MAMDC2: variants seen among roughly 807,000 people sequenced by gnomAD.
MAMDC2 encodes MAM domain containing 2.
Under a neutral mutation model 89.8 loss-of-function variants are expected in MAMDC2, and 57 were observed. The observed-to-expected ratio is 0.63, with a 90% CI of 0.51 to 0.79. The LOEUF (loss-of-function observed/expected upper bound fraction) is 0.79. Among genes scored for constraint, MAMDC2 ranks in the 30% least tolerant of loss-of-function variants. MAMDC2 has a pLI of 0.00. For missense variants in MAMDC2, 800 were observed against 820.6 expected (o/e 0.97, Z 0.31); for synonymous variants, 313 against 293.4 (o/e 1.07, Z -0.68).
At chr9:70,115,806 G>C (rs1351903025) in intron 5 of MAMDC2, among the ~76,000 whole-genome samples, 1 of 152,166 alleles carries the variant, frequency 6.6e-6, no homozygotes, top group Non-Finnish European at 1.5e-5. Flanking sequence ...ATCTGCATGA[G>C]TATTTTAAAA....
chr9:70,131,750 G>T (rs1169525978), intron 7 of MAMDC2, 138 bp downstream of exon 7: 1 of 679,450 alleles, frequency 1.5e-6, no homozygotes, highest in Non-Finnish European at 2.5e-6. Flanking sequence ...TTAATCAAAG[G>T]TCATTTTTCT....
intron 5 of MAMDC2, among the ~76,000 whole-genome samples, chr9:70,118,476 G>A (rs1436928527): frequency 6.6e-6 from 1 of 152,170 alleles, no homozygotes; most frequent in Non-Finnish European, 1.5e-5. Flanking sequence ...GATTTGATCC[G>A]TATCATTCTT....
intron 9 of MAMDC2, among the ~76,000 whole-genome samples, chr9:70,158,434 C>A (rs999306528): frequency 2.0e-5 from 3 of 151,164 alleles, no homozygotes; most frequent in Admixed American, 6.6e-5. Context: ...TATATATACC[C>A]ATTTATATAT....
In MAMDC2 at chr9:70,111,436, C is replaced by T. The variant is rs529036286; in HGVS notation, c.506-1559C>T. The stretch of plus-strand genomic sequence containing the variant: ...ACTCTGACTTCTTTCTTTCTGGGTA[C>T]TTTATCTGCCTCTCTCCATTGCTCA... On this transcript the variant is annotated intron_variant, in intron 4 of 13. Coordinates refer to ENST00000377182, the MANE Select transcript of MAMDC2 (RefSeq NM_153267.5). Among the ~76,000 whole-genome samples, 10 of 152,274 alleles carry T rather than the reference C, an allele frequency of 6.6e-5. No individual in the cohort carries two copies. In the South Asian group the frequency reaches 8.3e-4, roughly 13 times the overall value.
chr9:70,077,279 C>T (rs980211380), intron 2 of MAMDC2, among the ~76,000 whole-genome samples: 1 of 152,222 alleles, frequency 6.6e-6, no homozygotes, highest in Non-Finnish European at 1.5e-5. Flanking sequence ...AACCCTCCTT[C>T]TTCCTCCCTT....
At chr9:70,163,708 C>T (rs751012230) in intron 9 of MAMDC2, among the ~76,000 whole-genome samples, 1 of 152,124 alleles carries the variant, frequency 6.6e-6, no homozygotes, top group East Asian at 1.9e-4. Context: ...AATCTCAGCA[C>T]TCTGGGAGGC....
At chr9:70,106,543 C>T (rs1208901992) in intron 2 of MAMDC2, among the ~76,000 whole-genome samples, 1 of 152,144 alleles carries the variant, frequency 6.6e-6, no homozygotes, top group Non-Finnish European at 1.5e-5. Context: ...CCTCAAGAGC[C>T]CCAGCTTAGA....
Position 70,108,329 on chromosome 9 carries a change from A to T in MAMDC2, c.267A>T (p.Thr89=). The T allele has an allele frequency of 6.2e-7, 1 of 1,614,156 alleles. No individual in the cohort carries two copies. Among genetic ancestry groups the T allele is most frequent in the Middle Eastern group, 1.6e-4 (1 of 6,062 alleles). The change falls in exon 3 of 14, where the codon ACA becomes ACT. Residue 89 remains threonine, a synonymous_variant. Coordinates refer to ENST00000377182, the MANE Select transcript of MAMDC2 (RefSeq NM_153267.5). The part of the protein sequence containing the change: ...SCLRLVYQIT[T]SSESLSDPSQ... ...TCCGTTTGGTCTACCAGATAACCAC[A>T]TCTTCGGAGTCTCTGTCAGATCCCA...
intron 11 of MAMDC2, among the ~76,000 whole-genome samples, chr9:70,196,003 C>A (rs1287540624): frequency 6.6e-6 from 1 of 152,064 alleles, no homozygotes; most frequent in Non-Finnish European, 1.5e-5. Context: ...ACTCACAGTT[C>A]CACAAGGCTG....
At chr9:70,164,965 A>T (rs1050946894) in intron 9 of MAMDC2, among the ~76,000 whole-genome samples, 1 of 139,184 alleles carries the variant, frequency 7.2e-6, no homozygotes, top group South Asian at 2.3e-4. Flanking sequence ...AATATTTAAT[A>T]TAATATTTAA....
chr9:70,205,777 G>C (rs1276444073), intron 11 of MAMDC2, among the ~76,000 whole-genome samples: 1 of 152,134 alleles, frequency 6.6e-6, no homozygotes, highest in Non-Finnish European at 1.5e-5. Context: ...AACAACATGT[G>C]AGCTGGTCTG....
chr9:70,215,792 C>T (rs1404480151), intron 11 of MAMDC2, among the ~76,000 whole-genome samples: 2 of 152,164 alleles, frequency 1.3e-5, no homozygotes, highest in Non-Finnish European at 2.9e-5. Context: ...CCCAGTTTTG[C>T]AGGGTGAGAA....
intron 2 of MAMDC2, among the ~76,000 whole-genome samples, chr9:70,073,856 C>T (rs1360744862): frequency 6.6e-6 from 1 of 152,162 alleles, no homozygotes; most frequent in Non-Finnish European, 1.5e-5. Context: ...TTACATTGGT[C>T]TTAACAGTGC....
At chr9:70,135,456 T>C (rs2118382887) in intron 7 of MAMDC2, among the ~76,000 whole-genome samples, 1 of 151,790 alleles carries the variant, frequency 6.6e-6, no homozygotes, top group East Asian at 2.0e-4. Flanking sequence ...ATTTAGCCCC[T>C]GAGTTATGCT....
intron 2 of MAMDC2, among the ~76,000 whole-genome samples, chr9:70,089,744 G>A (rs2118170126): frequency 6.6e-6 from 1 of 152,082 alleles, no homozygotes; most frequent in East Asian, 1.9e-4. Flanking sequence ...GGAACTATTG[G>A]TACAATGACT....
chr9:70,170,297 C>T (rs372896329), intron 10 of MAMDC2, 182 bp from the exon 11 acceptor site: 36 of 504,238 alleles, frequency 7.1e-5, no homozygotes, highest in East Asian at 3.3e-4. Context: ...TGGCAGGACC[C>T]GCAGTGGAAT....
Position 70,126,192 on chromosome 9 carries a change from A to C in MAMDC2, c.677A>C (p.Lys226Thr). The C allele has an allele frequency of 6.2e-7, 1 of 1,613,966 alleles. No individual in the cohort carries two copies. Among genetic ancestry groups the C allele is most frequent in the Non-Finnish European group, 8.5e-7 (1 of 1,179,958 alleles). ...ATGTACGTGGACTCAGTTTATGTGA[A>C]GCACTTCCAGGAGGTGGCACAGCTC... Reference protein sequence around the residue: ...HYMYVDSVYVKHFQEVAQLIS... With the variant: ...HYMYVDSVYVTHFQEVAQLIS... The change falls in exon 6 of 14, where the codon AAG becomes ACG. Residue 226 changes from lysine (K) to threonine (T), a missense_variant. Physicochemically the swap from Lys to Thr is moderately conservative, Grantham distance 78 (BLOSUM62 -1). Coordinates refer to ENST00000377182, the MANE Select transcript of MAMDC2 (RefSeq NM_153267.5).
intron 2 of MAMDC2, among the ~76,000 whole-genome samples, chr9:70,096,093 A>T (rs1366935924): frequency 6.6e-6 from 1 of 151,824 alleles, no homozygotes; most frequent in South Asian, 2.1e-4. Flanking sequence ...GTGCAATCAC[A>T]GCTTTCTGCA....
chr9:70,107,159 C>T lies in MAMDC2; in HGVS notation c.149-1052C>T, dbSNP rs1828364027. 5.3e-5 allele frequency among the ~76,000 whole-genome samples: 8 copies of T among 151,272 alleles called. 2 individuals carry two copies. The South Asian group carries it at 1.7e-3, about 32-fold the overall frequency. On this transcript the variant is annotated intron_variant, in intron 2 of 13. Transcript: ENST00000377182. ...AGGCCAGAAAGGCCCAGGAGGTCCC[C>T]AAAGACCCACAGGCAATTGGATCAT... is the stretch of plus-strand genomic sequence containing the variant.
Sources: allele counts gnomAD v4.1 joint callset (sites outside exome capture counted in the v4.1 genomes callset), GRCh38; gene constraint gnomAD v4.1.1; transcripts MANE v1.5; gene names NCBI Gene and HGNC (gene_info 2026-07-23, HGNC 2026-07-21).